Variants in MAPK4 observed in about 807,000 individuals in gnomAD.
The protein encoded by MAPK4 is mitogen-activated protein kinase 4.
Under a neutral mutation model 47.7 loss-of-function variants are expected in MAPK4, and 22 were observed. That is an observed-to-expected ratio of 0.46 (90% CI 0.33 to 0.66). The LOEUF is 0.66. Among genes scored for constraint, MAPK4 ranks in the 30% least tolerant of loss-of-function variants. The pLI is 0.02. For missense variants in MAPK4, 736 were observed against 831.7 expected, an observed-to-expected ratio of 0.88 and a Z score of 1.42; for synonymous variants, 390 against 365.7, an observed-to-expected ratio of 1.07 and a Z score of -0.76.
At chr18:50,589,734 CT>C (rs939240487) in intron 1 of MAPK4, among the ~76,000 whole-genome samples, 110 of 152,310 alleles carry the variant, frequency 7.2e-4, no homozygotes, top group African/African-American at 2.6e-3. Context: ...AAATGGTTCT[CT>C]TTCAGTTTCA....
At chr18:50,608,907 AG>A (rs2042606649) in intron 1 of MAPK4, among the ~76,000 whole-genome samples, 1 of 151,944 alleles carries the variant, frequency 6.6e-6, no homozygotes, top group South Asian at 2.1e-4. Context: ...ACTTGAGATT[AG>A]GGAGTGGTGA....
At chr18:50,572,378 A>G (rs2042257548) in intron 1 of MAPK4, among the ~76,000 whole-genome samples, 1 of 152,230 alleles carries the variant, frequency 6.6e-6, no homozygotes. Flanking sequence ...GACTAAGGAC[A>G]AAAGAAAGAA....
At chr18:50,722,555 G>A (rs971236860) in intron 4 of MAPK4, among the ~76,000 whole-genome samples, 4 of 152,010 alleles carry the variant, frequency 2.6e-5, no homozygotes, top group Non-Finnish European at 5.9e-5. Flanking sequence ...TCAAGGCTCA[G>A]CAGGCCTGGG....
intron 1 of MAPK4, among the ~76,000 whole-genome samples, chr18:50,594,301 A>G (rs1479794272): frequency 6.6e-6 from 1 of 152,226 alleles, no homozygotes; most frequent in Non-Finnish European, 1.5e-5. Flanking sequence ...ACACCCTCAC[A>G]GACACACCAA....
chr18:50,609,261 G>T (rs1346936273), intron 1 of MAPK4, among the ~76,000 whole-genome samples: 1 of 151,820 alleles, frequency 6.6e-6, no homozygotes, highest in African/African-American at 2.4e-5. Context: ...GTGGCGGCCG[G>T]GCAGAGGGGC....
At chr18:50,653,472 CAG>C (rs2043074174) in intron 1 of MAPK4, among the ~76,000 whole-genome samples, 1 of 152,178 alleles carries the variant, frequency 6.6e-6, no homozygotes, top group African/African-American at 2.4e-5. Flanking sequence ...ATTAGAAAAA[CAG>C]AAGCAAGCAC....
chr18:50,615,020 A>G (rs1374453055), intron 1 of MAPK4, among the ~76,000 whole-genome samples: 3 of 152,130 alleles, frequency 2.0e-5, no homozygotes, highest in East Asian at 3.8e-4. Flanking sequence ...CTTTCACAAC[A>G]TTTGGACACA....
intron 2 of MAPK4, among the ~76,000 whole-genome samples, chr18:50,700,521 A>G (rs1486378534): frequency 6.6e-6 from 1 of 152,182 alleles, no homozygotes; most frequent in African/African-American, 2.4e-5. Context: ...ATTAATAGTG[A>G]CGCAAACATC....
chr18:50,618,820 A>T (rs2042706610), intron 1 of MAPK4, among the ~76,000 whole-genome samples: 1 of 152,176 alleles, frequency 6.6e-6, no homozygotes. Context: ...GAAAGGATGG[A>T]TCAGGGCAAG....
chr18:50,559,731 C>G (rs2149352761), upstream of MAPK4, among the ~76,000 whole-genome samples: 1 of 151,934 alleles, frequency 6.6e-6, no homozygotes, highest in South Asian at 2.1e-4. Flanking sequence ...CCGGACGGAG[C>G]CCGAGGATCC....
chr18:50,707,060 T>C (rs1910095510), intron 2 of MAPK4, among the ~76,000 whole-genome samples: 1 of 152,222 alleles, frequency 6.6e-6, no homozygotes, highest in South Asian at 2.1e-4. Context: ...TGCTCCCACT[T>C]TCCTGCTGTT....
chr18:50,711,012 G>C (rs1378044825), intron 2 of MAPK4, among the ~76,000 whole-genome samples: 1 of 152,108 alleles, frequency 6.6e-6, no homozygotes, highest in African/African-American at 2.4e-5. Flanking sequence ...CACCCAGCAC[G>C]GGCTTGCTGG....
At chr18:50,580,941 A>G (rs1292424277) in intron 1 of MAPK4, among the ~76,000 whole-genome samples, 1 of 152,048 alleles carries the variant, frequency 6.6e-6, no homozygotes, top group Non-Finnish European at 1.5e-5. Flanking sequence ...ACCCAAACAC[A>G]TCTGCCTTTC....
chr18:50,609,443 G>C (rs1296544902), intron 1 of MAPK4, among the ~76,000 whole-genome samples: 1 of 151,326 alleles, frequency 6.6e-6, no homozygotes, highest in East Asian at 2.0e-4. Flanking sequence ...TCTTGGGCTG[G>C]GGAAACTGAG....
intron 2 of MAPK4, among the ~76,000 whole-genome samples, chr18:50,684,637 C>T (rs1245805580): frequency 1.3e-5 from 2 of 152,060 alleles, no homozygotes; most frequent in Non-Finnish European, 2.9e-5. Context: ...GCCTCCCCAT[C>T]ACAGTGGGCT....
At position 50,682,439 on chromosome 18, in the gene MAPK4, T is replaced by C. The variant is rs76558191; in HGVS notation, c.546+17935T>C. On this transcript the variant is annotated intron_variant, in intron 2 of 5. Coordinates refer to ENST00000400384, the MANE Select transcript of MAPK4 (RefSeq NM_002747.4). The stretch of plus-strand genomic sequence containing the variant: ...ATTGAAGAGAATACTTCCCAACTCA[T>C]TCTAAACCTTATTGTGATAGCAAAA... Among the ~76,000 whole-genome samples, 540 of 152,264 alleles carry C rather than the reference T, an allele frequency of 3.5e-3. 1 individual carries two copies. Among genetic ancestry groups the C allele is most frequent in the Non-Finnish European group, 5.9e-3 (404 of 68,006 alleles).
rs544994102 is a variant in MAPK4, at chr18:50,655,873, G to A, written c.-870-7216G>A. On this transcript the variant is annotated intron_variant, in intron 1 of 5. Coordinates refer to ENST00000400384, the MANE Select transcript of MAPK4 (RefSeq NM_002747.4). The stretch of plus-strand genomic sequence containing the variant: ...TTTATCTTTCCATGTGGGTTGTACT[G>A]TGTCATAACCAAAATCTTACTGCAA... Among the ~76,000 whole-genome samples the A allele has an allele frequency of 8.5e-5, 13 of 152,270 alleles. No homozygotes were observed. In the East Asian group the frequency reaches 2.5e-3, roughly 29 times the overall value.
intron 1 of MAPK4, among the ~76,000 whole-genome samples, chr18:50,657,655 C>T (rs142510169): frequency 2.0e-5 from 3 of 151,718 alleles, no homozygotes; most frequent in Non-Finnish European, 2.9e-5. Context: ...TGTGCCTCCC[C>T]GACAGGTGAC....
At chr18:50,620,528 T>C (rs538508440) in intron 1 of MAPK4, among the ~76,000 whole-genome samples, 1 of 152,362 alleles carries the variant, frequency 6.6e-6, no homozygotes, top group South Asian at 2.1e-4. Flanking sequence ...ACATTTACTT[T>C]CTGCTTATAC....
Sources: gnomAD v4.1 joint callset for allele counts (sites outside exome capture counted in the v4.1 genomes callset) on GRCh38, gnomAD v4.1.1 for gene constraint, MANE v1.5 for transcripts, NCBI Gene and HGNC (gene_info 2026-07-23, HGNC 2026-07-21) for gene names.